The following MKLN1 variants were observed in gnomAD, a reference collection of about 807,000 sequenced individuals.
The protein encoded by MKLN1 is muskelin 1, also known as muskelin.
MKLN1 carries 18 observed loss-of-function variants against 99.0 expected under a neutral mutation model. The ratio of observed to expected loss-of-function variants is 0.18; its 90% confidence interval spans 0.13 to 0.27. MKLN1 has a LOEUF of 0.27. Ranked by LOEUF, MKLN1 falls within the 10% of genes least tolerant of loss-of-function variation. MKLN1 has a pLI of 1.00. For missense variants in MKLN1, 621 were observed against 875.9 expected (o/e 0.71, Z 3.67); for synonymous variants, 288 against 293.2 (o/e 0.98, Z 0.18).
intron 12 of MKLN1, among the ~76,000 whole-genome samples, chr7:131,447,371 T>C (rs756710341): frequency 1.3e-5 from 2 of 151,948 alleles, no homozygotes; most frequent in African/African-American, 2.4e-5. Context: ...TTTGACTTTC[T>C]CTGGCTTTTA....
intron 6 of MKLN1, among the ~76,000 whole-genome samples, chr7:131,410,180 G>T (rs1794834514): frequency 6.6e-6 from 1 of 152,100 alleles, no homozygotes; most frequent in East Asian, 1.9e-4. Context: ...TACCATTACA[G>T]TAACTAGTGT....
At chr7:131,362,075 C>T (rs1031996246) in intron 1 of MKLN1, among the ~76,000 whole-genome samples, 1 of 151,946 alleles carries the variant, frequency 6.6e-6, no homozygotes, top group South Asian at 2.1e-4. Context: ...GTCCTAGGCT[C>T]ACATTTTTTG....
chr7:131,239,889 A>G (rs901051181), intron 3 of MKLN1, among the ~76,000 whole-genome samples: 1 of 152,070 alleles, frequency 6.6e-6, no homozygotes, highest in Admixed American at 6.6e-5. Flanking sequence ...AACTTTTAAA[A>G]AGCAAGGTAA....
intron 2 of MKLN1, among the ~76,000 whole-genome samples, chr7:131,174,114 A>T (rs1796258668): frequency 6.6e-6 from 1 of 151,832 alleles, no homozygotes; most frequent in Non-Finnish European, 1.5e-5. Context: ...CTGGGACTAC[A>T]GGTGCCCGCC....
chr7:131,370,703 T>G (rs1157067070), intron 1 of MKLN1, among the ~76,000 whole-genome samples: 1 of 152,102 alleles, frequency 6.6e-6, no homozygotes, highest in African/African-American at 2.4e-5. Context: ...TCTTCTCACC[T>G]TTAGGGCAGG....
At chr7:131,239,557 A>G (rs1053436171) in intron 3 of MKLN1, among the ~76,000 whole-genome samples, 13 of 152,176 alleles carry the variant, frequency 8.5e-5, no homozygotes, top group Non-Finnish European at 1.6e-4. Context: ...ACCTTAAGCT[A>G]TCTTCCCACC....
chr7:131,368,375 G>A (rs993773141), intron 1 of MKLN1, among the ~76,000 whole-genome samples: 1 of 152,108 alleles, frequency 6.6e-6, no homozygotes. Flanking sequence ...GTGTTAGTAC[G>A]TTCTCACACT....
intron 1 of MKLN1, among the ~76,000 whole-genome samples, chr7:131,119,315 G>A (rs540862788): frequency 1.3e-5 from 2 of 152,322 alleles, no homozygotes; most frequent in East Asian, 1.9e-4. Context: ...CGATGCAAGC[G>A]GTGGGCTCCC....
upstream of MKLN1, among the ~76,000 whole-genome samples, chr7:131,326,217 C>G (rs1798886454): frequency 6.6e-6 from 1 of 152,206 alleles, no homozygotes; most frequent in Non-Finnish European, 1.5e-5. Context: ...CTAACATTCT[C>G]TGGCCCTTTC....
At chr7:131,133,330 AT>A (rs11354175) in intron 1 of MKLN1, among the ~76,000 whole-genome samples, 64,272 of 131,224 alleles carry the variant, frequency 0.49, 16,316 homozygotes, top group East Asian at 0.79. Flanking sequence ...TTTAATTTTA[AT>A]TTTTTTTTTC....
chr7:131,356,185 C>T (rs933995720), intron 1 of MKLN1, among the ~76,000 whole-genome samples: 2 of 151,332 alleles, frequency 1.3e-5, no homozygotes, highest in Non-Finnish European at 2.9e-5. Flanking sequence ...GGATTTTATA[C>T]GCTGGCATAC....
chr7:131,126,036 AAATAAATAAATAAATTAATTAATT>A (rs1795451463), intron 1 of MKLN1, among the ~76,000 whole-genome samples: 1 of 2,820 alleles, frequency 3.5e-4, no homozygotes, highest in Non-Finnish European at 0.038. Context: ...ATAAATAAAT[AAATAAATAAATAAATTAATTAATT>A]AATAAATAAA....
At chr7:131,163,036 G>A (rs1198972752) in intron 2 of MKLN1, among the ~76,000 whole-genome samples, 1 of 152,104 alleles carries the variant, frequency 6.6e-6, no homozygotes, top group African/African-American at 2.4e-5. Context: ...TCTATTATGG[G>A]TGAGGAAATT....
intron 3 of MKLN1, among the ~76,000 whole-genome samples, chr7:131,286,448 T>C (rs1453223117): frequency 2.6e-5 from 4 of 152,194 alleles, no homozygotes; most frequent in Non-Finnish European, 5.9e-5. Context: ...TTGTTTTTTT[T>C]TCCTCCCCCA....
Position 131,407,306 on chromosome 7 carries a change from TAGAG to T in MKLN1, c.704-3995_704-3992del, listed in dbSNP as rs376745080. Among the ~76,000 whole-genome samples, 456 of 152,190 alleles carry T rather than the reference TAGAG, an allele frequency of 3.0e-3. 1 individual carries two copies. The highest frequency in any genetic ancestry group is 0.01 in the African/African-American group (434 of 41,582). ...ATCTCTAATCTGTACTCATGTTTCA[TAGAG>T]AGAGTTGCTTTTTTTTATTTGTGGA... On this transcript the variant is annotated intron_variant, in intron 6 of 17. Transcript: ENST00000352689.
At chr7:131,166,528 C>T (rs1329549660) in intron 2 of MKLN1, among the ~76,000 whole-genome samples, 1 of 152,210 alleles carries the variant, frequency 6.6e-6, no homozygotes, top group African/African-American at 2.4e-5. Context: ...CCGCTTCTCG[C>T]TGGGCACTGC....
intron 16 of MKLN1, 27 bp from the exon 17 acceptor site, chr7:131,478,596 T>TTC: frequency 7.6e-6 from 3 of 396,008 alleles, no homozygotes; most frequent in Non-Finnish European, 6.4e-6. Flanking sequence ...TTGCTGCTTC[T>TTC]TTTTTTTTTT....
At chr7:131,290,771 G>C (rs78205418) in intron 3 of MKLN1, among the ~76,000 whole-genome samples, 4,922 of 152,184 alleles carry the variant, frequency 0.032, 252 homozygotes, top group African/African-American at 0.11. Flanking sequence ...TGAAACTTAG[G>C]TCAACTTCTC....
chr7:131,163,999 T>G (rs907251340), intron 2 of MKLN1, among the ~76,000 whole-genome samples: 3 of 152,212 alleles, frequency 2.0e-5, no homozygotes, highest in African/African-American at 7.2e-5. Flanking sequence ...AATTGCAAAT[T>G]AAGCTTTGCC....
Sources: gnomAD v4.1 joint callset for allele counts (sites outside exome capture counted in the v4.1 genomes callset) on GRCh38, gnomAD v4.1.1 for gene constraint, MANE v1.5 for transcripts, NCBI Gene and HGNC (gene_info 2026-07-23, HGNC 2026-07-21) for gene names.